The following RYR2 variants were observed in gnomAD, a reference collection of about 807,000 sequenced individuals.
RYR2 encodes cardiac muscle ryanodine receptor-calcium release channel.
RYR2 carries 227 observed loss-of-function variants against 601.1 expected under a neutral mutation model. The ratio of observed to expected loss-of-function variants is 0.38; its 90% confidence interval spans 0.34 to 0.42. The LOEUF (loss-of-function observed/expected upper bound fraction) is 0.42, where lower values mean the gene tolerates loss of function less well. RYR2 is among the 10% of genes least tolerant of loss of function. The probability of loss-of-function intolerance (pLI) is 1.00; values close to 1 mark genes in which losing one functional copy is unlikely to be tolerated. For missense variants in RYR2, 4,646 were observed against 6,156.5 expected (o/e 0.75, Z 8.21); for synonymous variants, 2,223 against 2,175.1 (o/e 1.02, Z -0.61).
At chr1:237,545,786 G>T (rs1669737742) in intron 25 of RYR2, among the ~76,000 whole-genome samples, 1 of 151,826 alleles carries the variant, frequency 6.6e-6, no homozygotes, top group South Asian at 2.1e-4. Context: ...CAGGCCAGGA[G>T]TGGTGGCTCA....
intron 75 of RYR2, 101 bp from the exon 76 acceptor site, chr1:237,726,986 G>A (rs899548348): frequency 8.5e-6 from 6 of 702,288 alleles, no homozygotes; most frequent in Non-Finnish European, 1.6e-5. Flanking sequence ...AGGGGCAACT[G>A]TTTAATACTA....
chr1:237,543,285 G>C (rs369798618), intron 25 of RYR2, among the ~76,000 whole-genome samples: 1 of 152,058 alleles, frequency 6.6e-6, no homozygotes, highest in Non-Finnish European at 1.5e-5. Flanking sequence ...TGGGGTCAGG[G>C]GAGTAGGGCA....
At chr1:237,367,537 A>G (rs7550611) in intron 5 of RYR2, among the ~76,000 whole-genome samples, 112,864 of 152,128 alleles carry the variant, frequency 0.74, 42,172 homozygotes, top group East Asian at 0.85. Flanking sequence ...TATTTGTTTA[A>G]TAAAAAGGTT....
At chr1:237,526,942 A>G (rs1464614612) in intron 24 of RYR2, among the ~76,000 whole-genome samples, 1 of 152,166 alleles carries the variant, frequency 6.6e-6, no homozygotes, top group Non-Finnish European at 1.5e-5. Context: ...TAGGTCTTAC[A>G]TTTATATCTT....
intron 24 of RYR2, among the ~76,000 whole-genome samples, 197 bp from the exon 25 acceptor site, chr1:237,530,230 G>A (rs1053553600): frequency 2.6e-5 from 4 of 151,534 alleles, no homozygotes; most frequent in African/African-American, 9.7e-5. Context: ...AGAATGGCGT[G>A]AATCCGGGAG....
At chr1:237,415,038 T>C (rs966681028) in intron 10 of RYR2, among the ~76,000 whole-genome samples, 14 of 152,108 alleles carry the variant, frequency 9.2e-5, no homozygotes, top group Non-Finnish European at 2.1e-4. Context: ...GGGAGGCTAC[T>C]GGTGGCATTT....
At chr1:237,119,381 C>A (rs899312945) in intron 1 of RYR2, among the ~76,000 whole-genome samples, 8 of 152,142 alleles carry the variant, frequency 5.3e-5, no homozygotes, top group Non-Finnish European at 1.2e-4. Context: ...ATGGTCAGAG[C>A]AAACTGCTAC....
At chr1:237,718,953 C>T (rs1484922417) in intron 73 of RYR2, among the ~76,000 whole-genome samples, 3 of 151,954 alleles carry the variant, frequency 2.0e-5, no homozygotes, top group Admixed American at 6.6e-5. Context: ...GTCTTTTGGA[C>T]GTAGAGAAGG....
chr1:237,246,372 A>G (rs994614886), intron 1 of RYR2, among the ~76,000 whole-genome samples: 1 of 152,144 alleles, frequency 6.6e-6, no homozygotes, highest in Non-Finnish European at 1.5e-5. Flanking sequence ...CTGAGATTAC[A>G]GGCGTGAGCC....
chr1:237,595,472 G>C, intron 33 of RYR2, 26 bp from the exon 34 acceptor site: 1 of 1,601,496 alleles, frequency 6.2e-7, no homozygotes, highest in Non-Finnish European at 8.5e-7. Flanking sequence ...GTTGTACAAA[G>C]ATAAAAATGT....
chr1:237,485,811 A>G (rs934937031), intron 17 of RYR2, among the ~76,000 whole-genome samples: 1 of 152,178 alleles, frequency 6.6e-6, no homozygotes, highest in African/African-American at 2.4e-5. Flanking sequence ...AGGTTGCACT[A>G]TCTGGTTTAG....
At chr1:237,261,613 T>C (rs546138014) in intron 1 of RYR2, among the ~76,000 whole-genome samples, 51 of 152,218 alleles carry the variant, frequency 3.4e-4, no homozygotes, top group Middle Eastern at 3.4e-3. Context: ...TAAAACACTT[T>C]GGTGGGGTGC....
At chr1:237,246,965 G>T (rs984625729) in intron 1 of RYR2, among the ~76,000 whole-genome samples, 4 of 152,164 alleles carry the variant, frequency 2.6e-5, no homozygotes, top group South Asian at 4.1e-4. Flanking sequence ...TTTCGTCTCA[G>T]TTACCACCTT....
chr1:237,144,080 G>T (rs1188206967), intron 1 of RYR2, among the ~76,000 whole-genome samples: 1 of 151,896 alleles, frequency 6.6e-6, no homozygotes, highest in Non-Finnish European at 1.5e-5. Flanking sequence ...AATGAGCTGA[G>T]ACTGCGCCAC....
chr1:237,527,396 C>T (rs2147913155), intron 24 of RYR2, among the ~76,000 whole-genome samples: 1 of 152,238 alleles, frequency 6.6e-6, no homozygotes, highest in East Asian at 1.9e-4. Context: ...GCACTATGCC[C>T]CAGCCAAGTT....
intron 2 of RYR2, among the ~76,000 whole-genome samples, chr1:237,324,950 C>G (rs2149539991): frequency 6.6e-6 from 1 of 152,350 alleles, no homozygotes; most frequent in African/African-American, 2.4e-5. Flanking sequence ...GCAGATTTGT[C>G]ATTAGGGCTC....
At chr1:237,595,403 G>A (rs972365227) in intron 33 of RYR2, 95 bp from the exon 34 acceptor site, 1 of 1,427,910 alleles carries the variant, frequency 7.0e-7, no homozygotes, top group African/African-American at 1.4e-5. Context: ...TGAGCTTGTT[G>A]CTTGCGCAGC....
intron 100 of RYR2, among the ~76,000 whole-genome samples, chr1:237,817,638 A>G (rs1661981314): frequency 6.6e-6 from 1 of 152,250 alleles, no homozygotes; most frequent in African/African-American, 2.4e-5. Context: ...ACTTAAAGCC[A>G]TGAAACTGGG....
chr1:237,401,419 A>G (rs1464063272), intron 10 of RYR2, among the ~76,000 whole-genome samples: 2 of 152,182 alleles, frequency 1.3e-5, no homozygotes, highest in Non-Finnish European at 2.9e-5. Flanking sequence ...AGAGGTTCCC[A>G]TAATCCCTTT....
Sources: allele counts gnomAD v4.1 joint callset (sites outside exome capture counted in the v4.1 genomes callset), GRCh38; gene constraint gnomAD v4.1.1; transcripts MANE v1.5; gene names NCBI Gene and HGNC (gene_info 2026-07-23, HGNC 2026-07-21).